Variants in HOOK3 observed in about 807,000 individuals in gnomAD.
HOOK3 encodes protein Hook homolog 3.
HOOK3 carries 24 observed loss-of-function variants against 116.3 expected under a neutral mutation model. The observed-to-expected ratio is 0.21, with a 90% confidence interval of 0.15 to 0.29. The LOEUF is 0.29. Among genes scored for constraint, HOOK3 ranks in the 10% least tolerant of loss-of-function variants. HOOK3 has a pLI of 1.00. For synonymous variants in HOOK3, 275 were observed against 283.0 expected (o/e 0.97, Z 0.28); for missense variants, 632 against 830.2 (o/e 0.76, Z 2.93).
chr8:43,001,966 A>G (rs1256155562), intron 16 of HOOK3, 141 bp from the exon 17 acceptor site: 1 of 579,934 alleles, frequency 1.7e-6, no homozygotes, highest in Non-Finnish European at 3.2e-6. Context: ...ACTGGGGTAC[A>G]TTGTGTGTTT....
chr8:42,989,805 T>G (rs1244740427), intron 15 of HOOK3, among the ~76,000 whole-genome samples: 1 of 152,244 alleles, frequency 6.6e-6, no homozygotes, highest in East Asian at 1.9e-4. Context: ...ATTTTTTTAA[T>G]TTTTAGCTCC....
intron 4 of HOOK3, among the ~76,000 whole-genome samples, chr8:42,941,637 G>A (rs1808129369): frequency 6.6e-6 from 1 of 151,624 alleles, no homozygotes; most frequent in African/African-American, 2.4e-5. Context: ...TAATCTGGTT[G>A]GTGGTATATT....
At chr8:42,960,244 T>C (rs1808512067) in intron 8 of HOOK3, among the ~76,000 whole-genome samples, 1 of 152,252 alleles carries the variant, frequency 6.6e-6, no homozygotes, top group South Asian at 2.1e-4. Flanking sequence ...GGCTCCTTTA[T>C]GTATTGTCTG....
intron 1 of HOOK3, among the ~76,000 whole-genome samples, chr8:42,899,090 A>T (rs1807128536): frequency 6.6e-6 from 1 of 152,202 alleles, no homozygotes; most frequent in African/African-American, 2.4e-5. Flanking sequence ...TAAGTTGGGG[A>T]CCGTCTGTAT....
intron 14 of HOOK3, among the ~76,000 whole-genome samples, chr8:42,983,363 A>T (rs1808989633): frequency 6.6e-6 from 1 of 151,858 alleles, no homozygotes; most frequent in African/African-American, 2.4e-5. Flanking sequence ...TTTATCTGCT[A>T]ACCACACGGA....
chr8:42,955,046 A>G (rs1808409206), intron 6 of HOOK3, among the ~76,000 whole-genome samples: 1 of 152,190 alleles, frequency 6.6e-6, no homozygotes, highest in Non-Finnish European at 1.5e-5. Context: ...AGTAGCACTG[A>G]AGGCCCAGTT....
chr8:43,015,938 G>A (rs532071594), intron 21 of HOOK3, among the ~76,000 whole-genome samples: 1 of 150,922 alleles, frequency 6.6e-6, no homozygotes, highest in East Asian at 2.0e-4. Context: ...GGCTGTTCTT[G>A]AATTCCTGAC....
intron 2 of HOOK3, among the ~76,000 whole-genome samples, chr8:42,921,748 G>A (rs1807661174): frequency 6.6e-6 from 1 of 152,180 alleles, no homozygotes. Flanking sequence ...TAAACAAATT[G>A]CTTGGACTGA....
intron 16 of HOOK3, among the ~76,000 whole-genome samples, chr8:43,001,724 C>G (rs2130473324): frequency 6.6e-6 from 1 of 152,196 alleles, no homozygotes; most frequent in South Asian, 2.1e-4. Flanking sequence ...TATCATGACT[C>G]AAGGAAAATA....
At chr8:42,965,500 A>G (rs973824353) in intron 9 of HOOK3, among the ~76,000 whole-genome samples, 5 of 152,194 alleles carry the variant, frequency 3.3e-5, no homozygotes, top group South Asian at 4.1e-4. Flanking sequence ...TGAAAGGAAA[A>G]AGAAGAAAAA....
intron 15 of HOOK3, among the ~76,000 whole-genome samples, chr8:42,992,810 C>T (rs1416087811): frequency 6.7e-6 from 1 of 149,816 alleles, no homozygotes; most frequent in Non-Finnish European, 1.5e-5. Context: ...ATTTCTTTCT[C>T]TTGTCTGATT....
At chr8:42,988,408 A>G (rs530564792) in intron 15 of HOOK3, among the ~76,000 whole-genome samples, 1 of 152,170 alleles carries the variant, frequency 6.6e-6, no homozygotes, top group Non-Finnish European at 1.5e-5. Flanking sequence ...AACTTTCTTC[A>G]TACTGCTTTG....
At chr8:42,925,492 C>G (rs1807747073) in intron 2 of HOOK3, 65 bp from the exon 3 acceptor site, 2 of 1,061,550 alleles carry the variant, frequency 1.9e-6, no homozygotes, top group African/African-American at 1.6e-5. Context: ...GGATGAGATT[C>G]AATTTTCTTT....
At chr8:42,981,291 G>A (rs185225438) in intron 13 of HOOK3, among the ~76,000 whole-genome samples, 6 of 151,896 alleles carry the variant, frequency 4.0e-5, no homozygotes, top group African/African-American at 7.2e-5. Flanking sequence ...GAGCTCAATC[G>A]ATCCGCCCAC....
At chr8:42,918,899 C>T (rs908181732) in intron 2 of HOOK3, among the ~76,000 whole-genome samples, 3 of 152,244 alleles carry the variant, frequency 2.0e-5, no homozygotes, top group East Asian at 1.9e-4. Flanking sequence ...AAACCGCCAT[C>T]GTCATCATGG....
At chr8:42,932,356 GT>G (rs1176031725) in intron 4 of HOOK3, among the ~76,000 whole-genome samples, 6 of 151,848 alleles carry the variant, frequency 4.0e-5, no homozygotes, top group Admixed American at 3.3e-4. Flanking sequence ...TAAAAAAAAA[GT>G]AGTTTTTAAT....
chr8:42,903,635 GC>G (rs1281975081), intron 1 of HOOK3, among the ~76,000 whole-genome samples: 1 of 151,152 alleles, frequency 6.6e-6, no homozygotes, highest in African/African-American at 2.4e-5. Context: ...GAGCCACCGT[GC>G]CCGGCCAATA....
At chr8:42,939,594 G>T in intron 4 of HOOK3, among the ~76,000 whole-genome samples, 1 of 144,936 alleles carries the variant, frequency 6.9e-6, no homozygotes, top group East Asian at 2.0e-4. Flanking sequence ...CCTCCCTCCC[G>T]GACGGGCTGG....
At chr8:42,905,336 G>GGGGGGT (rs1204044294) in intron 1 of HOOK3, among the ~76,000 whole-genome samples, 2 of 129,458 alleles carry the variant, frequency 1.5e-5, no homozygotes, top group Non-Finnish European at 3.2e-5. Flanking sequence ...GGGGGGGGGG[G>GGGGGGT]TGCCGTGGTG....
Sources: gnomAD v4.1 joint callset for allele counts (sites outside exome capture counted in the v4.1 genomes callset) on GRCh38, gnomAD v4.1.1 for gene constraint, MANE v1.5 for transcripts, NCBI Gene and HGNC (gene_info 2026-07-23, HGNC 2026-07-21) for gene names.